SOCS5: variants seen among roughly 807,000 people sequenced by gnomAD.
SOCS5 encodes the protein suppressor of cytokine signaling 5, also known as CIS-6.
Under a neutral mutation model 42.8 loss-of-function variants are expected in SOCS5, and 32 were observed. The ratio of observed to expected loss-of-function variants is 0.75; its 90% CI spans 0.56 to 1.01. The LOEUF (loss-of-function observed/expected upper bound fraction) is 1.01. Ranked by LOEUF, SOCS5 falls within the 50% of genes least tolerant of loss-of-function variation. The probability of loss-of-function intolerance (pLI) is 0.00; values close to 1 mark genes in which losing one functional copy is unlikely to be tolerated. For synonymous variants in SOCS5, 283 were observed against 229.6 expected, an observed-to-expected ratio of 1.23 and a Z score of -2.10; for missense variants, 627 against 653.0, an observed-to-expected ratio of 0.96 and a Z score of 0.43.
intron 1 of SOCS5, among the ~76,000 whole-genome samples, chr2:46,722,646 A>G (rs1672908762): frequency 6.6e-6 from 1 of 152,148 alleles, no homozygotes; most frequent in Admixed American, 6.5e-5. Context: ...AAACATTTAT[A>G]TATGGGTTTT....
chr2:46,719,555 T>A (rs1158602219), intron 1 of SOCS5, among the ~76,000 whole-genome samples: 1 of 152,226 alleles, frequency 6.6e-6, no homozygotes, highest in Non-Finnish European at 1.5e-5. Context: ...GATGTCCTTA[T>A]GTTAAAGAAA....
At chr2:46,731,256 G>A (rs1164949159) in intron 1 of SOCS5, among the ~76,000 whole-genome samples, 1 of 152,172 alleles carries the variant, frequency 6.6e-6, no homozygotes, top group East Asian at 1.9e-4. Flanking sequence ...TGGGATTCGT[G>A]CCTTTGTACG....
chr2:46,726,884 A>G (rs900962802), intron 1 of SOCS5, among the ~76,000 whole-genome samples: 5 of 147,272 alleles, frequency 3.4e-5, no homozygotes, highest in South Asian at 2.2e-4. Flanking sequence ...AGCCTCACGA[A>G]TAGCTGGAAT....
intron 1 of SOCS5, among the ~76,000 whole-genome samples, chr2:46,725,344 G>A (rs113114796): frequency 3.2e-4 from 49 of 151,974 alleles, no homozygotes; most frequent in African/African-American, 1.1e-3. Context: ...GGTATTTTTA[G>A]GTTATTTACA....
At chr2:46,738,848 T>C (rs1673308786) in intron 1 of SOCS5, among the ~76,000 whole-genome samples, 1 of 152,204 alleles carries the variant, frequency 6.6e-6, no homozygotes, top group Non-Finnish European at 1.5e-5. Context: ...CTGAAGTTTT[T>C]TCCCATACAG....
rs759875378 is a variant in SOCS5 at position 46,743,812 on chromosome 2, T to TCCA, written c.-12-14706_-12-14704dup. 7.9e-5 allele frequency among the ~76,000 whole-genome samples: 12 copies of TCCA among 152,078 alleles called. 1 individual carries two copies. Among genetic ancestry groups the TCCA allele is most frequent in the African/African-American group, 1.2e-4 (5 of 41,392 alleles). On this transcript the variant is annotated intron_variant, in intron 1 of 1. Transcript: ENST00000394861. ...ATGTCTGAAATTTAAACAAAGGCCT[T>TCCA]CCATTTGTATTTTCTGTTGGTAATA...
At position 46,715,809 on chromosome 2, in the gene SOCS5, G is replaced by T. The variant is rs182959817; in HGVS notation, c.-13+16360G>T. Reference sequence around the variant, plus strand: ...TTTTTGGAAGTTTATTGAGTTTCGTGGATCTGTGGGTGTATTGTATTCATC... The same window carrying T: ...TTTTTGGAAGTTTATTGAGTTTCGTTGATCTGTGGGTGTATTGTATTCATC... On this transcript the variant is annotated intron_variant, in intron 1 of 1. Transcript: ENST00000394861. Among the ~76,000 whole-genome samples, 4 of 152,164 alleles carry T rather than the reference G, an allele frequency of 2.6e-5. No homozygotes were observed. In the East Asian group the frequency reaches 7.7e-4, roughly 29 times the overall value.
chr2:46,728,482 C>T (rs543955899), intron 1 of SOCS5, among the ~76,000 whole-genome samples: 1 of 152,240 alleles, frequency 6.6e-6, no homozygotes, highest in South Asian at 2.1e-4. Context: ...AATAATTTTC[C>T]TCATTTTAGG....
At chr2:46,733,158 G>A (rs11903382) in intron 1 of SOCS5, among the ~76,000 whole-genome samples, 10,967 of 151,950 alleles carry the variant, frequency 0.072, 451 homozygotes, top group Non-Finnish European at 0.085. Context: ...GCAGTGGCGC[G>A]ATCTCAGCTC....
chr2:46,740,472 A>T (rs1673346277), intron 1 of SOCS5, among the ~76,000 whole-genome samples: 1 of 152,174 alleles, frequency 6.6e-6, no homozygotes, highest in Non-Finnish European at 1.5e-5. Context: ...GTATCATAAA[A>T]CTCACAAAAA....
Position 46,758,830 on chromosome 2 carries a change from T to A in SOCS5, c.300T>A (p.Ser100=), listed in dbSNP as rs1402515355. The change falls in exon 2 of 2, where the codon TCT becomes TCA. Residue 100 remains serine (S), a synonymous_variant. Transcript: ENST00000394861. ...TAAGCATCGAAAAGGATAATGATTC[T>A]TGTGTTACCCCAGGAACAAGACTTG... ...VEISIEKDND[S]CVTPGTRLAR... The A allele has an allele frequency of 4.3e-6, 7 of 1,614,052 alleles. No individual in the cohort carries two copies. The highest frequency in any genetic ancestry group is 5.1e-6 in the Non-Finnish European group (6 of 1,179,996).
intron 1 of SOCS5, among the ~76,000 whole-genome samples, chr2:46,750,805 G>A (rs895076137): frequency 5.9e-5 from 9 of 152,124 alleles, no homozygotes; most frequent in African/African-American, 2.2e-4. Flanking sequence ...AATTAAAATA[G>A]AATAGGCTAG....
intron 1 of SOCS5, among the ~76,000 whole-genome samples, chr2:46,722,528 CAA>C: frequency 6.6e-6 from 1 of 152,076 alleles, no homozygotes; most frequent in Admixed American, 6.6e-5. Flanking sequence ...TTTTGTTGCT[CAA>C]GAGTATTCCT....
intron 1 of SOCS5, among the ~76,000 whole-genome samples, chr2:46,755,756 C>G (rs140165986): frequency 6.2e-4 from 95 of 152,194 alleles, no homozygotes; most frequent in African/African-American, 2.2e-3. Context: ...GGTTTCAGCT[C>G]TATCTTAAAA....
intron 1 of SOCS5, among the ~76,000 whole-genome samples, chr2:46,732,201 T>C (rs150611080): frequency 2.6e-5 from 4 of 152,306 alleles, no homozygotes; most frequent in East Asian, 3.9e-4. Context: ...TTGAAACAAA[T>C]TGTAGTTTTC....
At chr2:46,757,654 G>C (rs976079022) in intron 1 of SOCS5, among the ~76,000 whole-genome samples, 1 of 152,044 alleles carries the variant, frequency 6.6e-6, no homozygotes, top group African/African-American at 2.4e-5. Flanking sequence ...ATCACCTGAG[G>C]TCAGGAGTTT....
At chr2:46,748,701 A>T (rs1221367329) in intron 1 of SOCS5, among the ~76,000 whole-genome samples, 1 of 152,184 alleles carries the variant, frequency 6.6e-6, no homozygotes, top group Non-Finnish European at 1.5e-5. Flanking sequence ...GCAGTTTTAG[A>T]TAAAAAGTAA....
chr2:46,748,787 C>G (rs1273982039), intron 1 of SOCS5, among the ~76,000 whole-genome samples: 1 of 152,104 alleles, frequency 6.6e-6, no homozygotes, highest in African/African-American at 2.4e-5. Flanking sequence ...GATACTTGAT[C>G]TAAACTGCTG....
intron 1 of SOCS5, among the ~76,000 whole-genome samples, chr2:46,702,826 CAGAATCCTTCTTAATGGTG>C: frequency 6.6e-6 from 1 of 152,326 alleles, no homozygotes; most frequent in South Asian, 2.1e-4. Context: ...TAAGTTATCT[CAGAATCCTTCTTAATGGTG>C]TATCACTTAA....
Sources: gnomAD v4.1 joint callset for allele counts (sites outside exome capture counted in the v4.1 genomes callset) on GRCh38, gnomAD v4.1.1 for gene constraint, MANE v1.5 for transcripts, NCBI Gene and HGNC (gene_info 2026-07-23, HGNC 2026-07-21) for gene names.